The following ITGA6 variants were observed in gnomAD, a reference collection of about 807,000 sequenced individuals.
ITGA6 encodes integrin alpha-6.
ITGA6 carries 63 observed loss-of-function variants against 133.6 expected under a neutral mutation model. The observed-to-expected ratio is 0.47, with a 90% CI of 0.38 to 0.58. The LOEUF (loss-of-function observed/expected upper bound fraction) is 0.58, where lower values mean the gene tolerates loss of function less well. Among genes scored for constraint, ITGA6 ranks in the 20% least tolerant of loss-of-function variants. The probability of loss-of-function intolerance (pLI) is 0.00; values close to 1 mark genes in which losing one functional copy is unlikely to be tolerated. For missense variants in ITGA6, 1,068 were observed against 1,309.4 expected, an observed-to-expected ratio of 0.82 and a Z score of 2.85; for synonymous variants, 434 against 482.0, an observed-to-expected ratio of 0.90 and a Z score of 1.30.
intron 1 of ITGA6, among the ~76,000 whole-genome samples, chr2:172,456,542 G>A (rs1334037318): frequency 6.6e-6 from 1 of 152,208 alleles, no homozygotes; most frequent in African/African-American, 2.4e-5. Flanking sequence ...ATCCAGGACT[G>A]TCCTGGGGAA....
intron 4 of ITGA6, 79 bp from the exon 5 acceptor site, chr2:172,470,895 G>A: frequency 6.9e-7 from 1 of 1,453,500 alleles, no homozygotes; most frequent in Non-Finnish European, 9.5e-7. Flanking sequence ...GATAGCATGG[G>A]GGATGTTTAT....
chr2:172,470,837 T>G, intron 4 of ITGA6, 137 bp from the exon 5 acceptor site: 2 of 805,640 alleles, frequency 2.5e-6, no homozygotes, highest in Non-Finnish European at 4.0e-6. Context: ...ATAAAAGTCA[T>G]CTCTGTCCTT....
At chr2:172,493,860 G>A (rs1345332684) in intron 23 of ITGA6, among the ~76,000 whole-genome samples, 4 of 152,208 alleles carry the variant, frequency 2.6e-5, no homozygotes, top group Non-Finnish European at 5.9e-5. Flanking sequence ...CTGGTGTCCA[G>A]TCTGATGACT....
Position 172,474,146 on chromosome 2 carries a change from G to T in ITGA6, c.867G>T (p.Val289=). Residue 289 remains valine (V), a synonymous_variant, in exon 6 of 26, where the codon GTG becomes GTT. Transcript: ENST00000684293. ...GAPRANHSGA[V]VLLKRDMKSA... is the part of the protein sequence containing the mutation. ...CCAGAGCCAATCACAGTGGAGCCGT[G>T]GTTTTGCTGAAGAGAGACATGAAGT... is the stretch of plus-strand genomic sequence containing the variant. 6.2e-7 allele frequency: 1 copy of T among 1,614,018 alleles called. No homozygotes were observed. Among genetic ancestry groups the T allele is most frequent in the Non-Finnish European group, 8.5e-7 (1 of 1,180,000 alleles).
chr2:172,475,996 T>G (rs757162002), intron 8 of ITGA6, among the ~76,000 whole-genome samples: 1 of 152,154 alleles, frequency 6.6e-6, no homozygotes, highest in Non-Finnish European at 1.5e-5. Flanking sequence ...AGTAGCATAC[T>G]AAATAGAGAT....
intron 1 of ITGA6, chr2:172,465,295 A>G: frequency 1.7e-6 from 1 of 577,140 alleles, no homozygotes; most frequent in East Asian, 3.0e-5. Context: ...TGATACTATG[A>G]GAGACAGGCC....
intron 2 of ITGA6, 43 bp from the exon 3 acceptor site, chr2:172,467,438 C>A: frequency 6.9e-7 from 1 of 1,457,712 alleles, no homozygotes; most frequent in Non-Finnish European, 9.6e-7. Flanking sequence ...TGGTTTCTAG[C>A]ATGTGCAGTC....
chr2:172,501,180 C>T (rs982813188), intron 24 of ITGA6, among the ~76,000 whole-genome samples: 4 of 152,118 alleles, frequency 2.6e-5, no homozygotes, highest in African/African-American at 9.7e-5. Context: ...TTTTATGGTG[C>T]TCAGAGTTTG....
intron 7 of ITGA6, 125 bp from the exon 8 acceptor site, chr2:172,475,472 C>CA (rs11464370): frequency 0.15 from 109,343 of 720,286 alleles, 6,914 homozygotes; most frequent in Middle Eastern, 0.18. Flanking sequence ...TCAAAAAAAA[C>CA]AAAAAAAAAC....
chr2:172,490,960 GGC>G, intron 20 of ITGA6, 62 bp from the exon 21 acceptor site: 1 of 870,742 alleles, frequency 1.1e-6, no homozygotes, highest in Non-Finnish European at 2.0e-6. Flanking sequence ...ATGCTCAAGA[GGC>G]TTGTATGGTA....
chr2:172,493,899 G>A (rs1687023146), intron 23 of ITGA6, among the ~76,000 whole-genome samples: 1 of 152,120 alleles, frequency 6.6e-6, no homozygotes, highest in South Asian at 2.1e-4. Context: ...AGGTTCTCTT[G>A]GGCATTTTAT....
intron 1 of ITGA6, among the ~76,000 whole-genome samples, chr2:172,461,613 T>C (rs1216985730): frequency 6.6e-6 from 1 of 152,220 alleles, no homozygotes; most frequent in Non-Finnish European, 1.5e-5. Flanking sequence ...GCAGCTGCCC[T>C]GGTCCTAGGA....
chr2:172,465,760 G>C (rs1685638063), intron 2 of ITGA6, 97 bp downstream of exon 2: 20 of 1,509,478 alleles, frequency 1.3e-5, no homozygotes, highest in Non-Finnish European at 1.8e-5. Flanking sequence ...TTCTTGTAGA[G>C]AGGACTTCTT....
At chr2:172,494,304 A>G (rs1419878563) in intron 23 of ITGA6, among the ~76,000 whole-genome samples, 1 of 152,154 alleles carries the variant, frequency 6.6e-6, no homozygotes, top group Non-Finnish European at 1.5e-5. Flanking sequence ...CCCAGGAGTT[A>G]GAGACCAGCC....
In ITGA6 at chr2:172,475,635, G is replaced by GT. The variant is rs1312750144; in HGVS notation, c.1224dup (p.Ile409TyrfsTer35). On this transcript the variant is annotated frameshift_variant, in exon 8 of 26. Coordinates refer to ENST00000684293, the MANE Select transcript of ITGA6 (RefSeq NM_000210.4). LOFTEE classifies it high-confidence loss of function. The stretch of plus-strand genomic sequence containing the variant: ...AGCTCCGTATGATGACTTGGGAAAG[G>GT]TTTTTATCTATCATGGATCTGCAAA... 7 of 1,608,876 alleles carry GT rather than the reference G, an allele frequency of 4.4e-6. No individual in the cohort carries two copies. The highest frequency in any genetic ancestry group is 1.7e-5 in the Admixed American group (1 of 59,998).
chr2:172,437,278 A>G (rs79160711), intron 1 of ITGA6, among the ~76,000 whole-genome samples: 7,983 of 152,312 alleles, frequency 0.052, 365 homozygotes, highest in East Asian at 0.26. Context: ...GAGGACAAAG[A>G]TAGAAGTAAT....
At position 172,487,992 on chromosome 2, in the gene ITGA6, A is replaced by G. The variant is rs1282593533; in HGVS notation, c.2356A>G (p.Thr786Ala). 2.5e-6 allele frequency: 4 copies of G among 1,614,084 alleles called. No homozygotes were observed. Among genetic ancestry groups the G allele is most frequent in the East Asian group, 2.2e-5 (1 of 44,872 alleles). The stretch of plus-strand genomic sequence containing the variant: ...CAATCAAGATAATTTGGCTCCAATT[A>G]CAGCTAAAGCAAAAGTGGTTATTGA... ...TSNQDNLAPI[T>A]AKAKVVIELL... The change falls in exon 18 of 26, where the codon ACA (threonine) becomes GCA (alanine). Residue 786 changes from threonine (T) to alanine (A), a missense_variant. Coordinates refer to ENST00000684293, the MANE Select transcript of ITGA6 (RefSeq NM_000210.4).
Position 172,491,587 on chromosome 2 carries a change from A to C in ITGA6, c.2988+64A>C. On this transcript the variant is annotated intron_variant, in intron 23 of 25. Transcript: ENST00000684293. The surrounding 1 kb of genome is among the most constrained non-coding windows in gnomAD (Gnocchi z 4.4). ...TCTCTTTTCCCTGTACCCCACACTCATGTCCTGAAGTCATGTGCTTTGGTG... is the reference window on the plus strand; with the variant it reads ...TCTCTTTTCCCTGTACCCCACACTCCTGTCCTGAAGTCATGTGCTTTGGTG... 20 of 1,071,416 alleles carry C rather than the reference A, an allele frequency of 1.9e-5. No individual in the cohort carries two copies. The highest frequency in any genetic ancestry group is 3.9e-5 in the South Asian group (3 of 77,506). 66.4% of individuals were successfully genotyped at this position (1,071,416 alleles called of 1,614,324 possible). A position where few individuals can be genotyped will look rare whatever the true frequency, so the allele number is the denominator to read the frequency against.
At chr2:172,445,653 A>T (rs572657898) in intron 1 of ITGA6, among the ~76,000 whole-genome samples, 96 of 122,714 alleles carry the variant, frequency 7.8e-4, no homozygotes, top group Middle Eastern at 3.9e-3. Flanking sequence ...CGTCTTTTTT[A>T]AAAAAAAAAA....
Sources: gnomAD v4.1 joint callset for allele counts (sites outside exome capture counted in the v4.1 genomes callset) on GRCh38, gnomAD v4.1.1 for gene constraint, Gnocchi (gnomAD v3.1) non-coding constraint, MANE v1.5 for transcripts, NCBI Gene and HGNC (gene_info 2026-07-23, HGNC 2026-07-21) for gene names.